Variants in HAUS6 observed in about 807,000 individuals in gnomAD.
The protein encoded by HAUS6 is HAUS augmin-like complex subunit 6.
Under a neutral mutation model 106.8 loss-of-function variants are expected in HAUS6, and 80 were observed. The ratio of observed to expected loss-of-function variants is 0.75; its 90% CI spans 0.63 to 0.90. The LOEUF (loss-of-function observed/expected upper bound fraction) is 0.90, where lower values mean the gene tolerates loss of function less well. Among genes scored for constraint, HAUS6 ranks in the 40% least tolerant of loss-of-function variants. HAUS6 has a pLI of 0.00. For synonymous variants in HAUS6, 356 were observed against 379.1 expected, an observed-to-expected ratio of 0.94 and a Z score of 0.71; for missense variants, 1,155 against 1,118.1, an observed-to-expected ratio of 1.03 and a Z score of -0.47.
chr9:19,075,234 G>A (rs1268710658), intron 11 of HAUS6, among the ~76,000 whole-genome samples: 1 of 152,178 alleles, frequency 6.6e-6, no homozygotes, highest in Non-Finnish European at 1.5e-5. Flanking sequence ...AACTGGAGAA[G>A]TGAAGGGGGA....
rs1463872963 is a variant in HAUS6, at chr9:19,054,217, G to A, written c.*2126C>T. 1 of 152,142 alleles carries A rather than the reference G, an allele frequency of 6.6e-6. No individual in the cohort carries two copies. The highest frequency in any genetic ancestry group is 1.5e-5 in the Non-Finnish European group (1 of 68,028). 9.4% of individuals were successfully genotyped at this position (152,142 alleles called of 1,614,324 possible). A position where few individuals can be genotyped will look rare whatever the true frequency, so the allele number is the denominator to read the frequency against. On this transcript the variant is annotated 3_prime_UTR_variant, in exon 17 of 17. Coordinates refer to ENST00000380502, the MANE Select transcript of HAUS6 (RefSeq NM_017645.5). ...ACTGAAGCATTTCAGTAAAAAAATGGGAGATTACAGCGGAAGGGGGAGTAG... is the reference window on the plus strand; with the variant it reads ...ACTGAAGCATTTCAGTAAAAAAATGAGAGATTACAGCGGAAGGGGGAGTAG...
intron 11 of HAUS6, among the ~76,000 whole-genome samples, chr9:19,074,769 C>G (rs1221846845): frequency 6.6e-6 from 1 of 152,170 alleles, no homozygotes; most frequent in Non-Finnish European, 1.5e-5. Flanking sequence ...CAACTATTAC[C>G]TGCTCCAGTT....
Position 19,055,274 on chromosome 9 carries a change from A to G in HAUS6, c.*1069T>C, listed in dbSNP as rs2131090679. 6.6e-6 allele frequency: 1 copy of G among 152,318 alleles called. No individual in the cohort carries two copies. Among genetic ancestry groups the G allele is most frequent in the Non-Finnish European group, 1.5e-5 (1 of 68,032 alleles). The allele number at this position is 152,318 out of a possible 1,614,324, so 9.4% of individuals were successfully genotyped here. On this transcript the variant is annotated 3_prime_UTR_variant, in exon 17 of 17. Transcript: ENST00000380502. ...GTATTGTAGGTACTATCACCCTTCC[A>G]TTGCCTGTTCCATTCCTCCTGGTTC...
intron 12 of HAUS6, among the ~76,000 whole-genome samples, chr9:19,064,129 G>A (rs1836707699): frequency 6.6e-6 from 1 of 151,994 alleles, no homozygotes; most frequent in African/African-American, 2.4e-5. Flanking sequence ...CACAACACCT[G>A]AGTAATTTTG....
intron 1 of HAUS6, among the ~76,000 whole-genome samples, chr9:19,097,236 C>G (rs1012442903): frequency 7.2e-5 from 11 of 152,068 alleles, no homozygotes; most frequent in Admixed American, 5.9e-4. Context: ...CAACAAAAGC[C>G]AAAATTGACA....
intron 13 of HAUS6, 110 bp downstream of exon 13, chr9:19,063,404 T>C (rs1836676204): frequency 1.5e-6 from 1 of 671,204 alleles, no homozygotes. Flanking sequence ...GTACAAATAG[T>C]AGAAAATGTG....
intron 1 of HAUS6, among the ~76,000 whole-genome samples, chr9:19,099,165 T>C (rs1361162706): frequency 6.8e-6 from 1 of 146,982 alleles, no homozygotes; most frequent in Non-Finnish European, 1.5e-5. Flanking sequence ...TTGTTTGTTT[T>C]TTTGTGTTTT....
intron 12 of HAUS6, among the ~76,000 whole-genome samples, chr9:19,068,673 G>A (rs1836819487): frequency 1.3e-5 from 2 of 150,528 alleles, no homozygotes; most frequent in South Asian, 4.2e-4. Context: ...TCTACTTGGG[G>A]AAGTTGTAAT....
intron 7 of HAUS6, among the ~76,000 whole-genome samples, chr9:19,086,478 G>A (rs530388601): frequency 6.6e-6 from 1 of 152,124 alleles, no homozygotes; most frequent in South Asian, 2.1e-4. Context: ...AAATTAGCCA[G>A]GCGTGGTGGC....
At chr9:19,059,206 T>C (rs1302941158) in intron 15 of HAUS6, among the ~76,000 whole-genome samples, 1 of 152,156 alleles carries the variant, frequency 6.6e-6, no homozygotes, top group Non-Finnish European at 1.5e-5. Context: ...AATAAACACA[T>C]ATAAAGACAG....
rs186102638 is a variant in HAUS6, at chr9:19,079,078, C to G, written c.1065-776G>C. On this transcript the variant is annotated intron_variant, in intron 9 of 16. Coordinates refer to ENST00000380502, the MANE Select transcript of HAUS6 (RefSeq NM_017645.5). ...ACTCAACAAGCTGAGGCAGGAGAATCACTTGAAATCAGGAGGCAGACGTTG... is the reference window on the plus strand; with the variant it reads ...ACTCAACAAGCTGAGGCAGGAGAATGACTTGAAATCAGGAGGCAGACGTTG... Among the ~76,000 whole-genome samples the G allele has an allele frequency of 3.4e-5, 5 of 147,254 alleles. No individual in the cohort carries two copies. In the East Asian group the frequency reaches 1.0e-3, roughly 30 times the overall value.
At chr9:19,064,489 G>A (rs1836716500) in intron 12 of HAUS6, among the ~76,000 whole-genome samples, 1 of 152,052 alleles carries the variant, frequency 6.6e-6, no homozygotes, top group African/African-American at 2.4e-5. Context: ...ATTATAAAAT[G>A]TTATTAAATT....
chr9:19,053,191 G>C lies in HAUS6; in HGVS notation c.*3152C>G, dbSNP rs1836393940. ...CAACAGTATTTAAAACATTTACAGA[G>C]AGTCCCATAGAGGATTCTCAAATAT... On this transcript the variant is annotated 3_prime_UTR_variant, in exon 17 of 17. Coordinates refer to ENST00000380502, the MANE Select transcript of HAUS6 (RefSeq NM_017645.5). 6.6e-6 allele frequency: 1 copy of C among 152,042 alleles called. No individual in the cohort carries two copies. Among genetic ancestry groups the C allele is most frequent in the Admixed American group, 6.6e-5 (1 of 15,256 alleles). 9.4% of individuals were successfully genotyped at this position (152,042 alleles called of 1,614,324 possible).
At chr9:19,082,712 T>C (rs1418889409) in intron 8 of HAUS6, among the ~76,000 whole-genome samples, 161 bp downstream of exon 8, 20 of 151,808 alleles carry the variant, frequency 1.3e-4, no homozygotes, top group Non-Finnish European at 1.8e-4. Context: ...CGCCACGCCA[T>C]TGCACTCCAG....
intron 5 of HAUS6, 61 bp from the exon 6 acceptor site, chr9:19,087,217 C>G (rs1837319747): frequency 1.1e-6 from 1 of 924,928 alleles, no homozygotes; most frequent in Non-Finnish European, 1.8e-6. Context: ...GTATAGCCCA[C>G]TTCTCTATTT....
In HAUS6 at chr9:19,080,589, C is replaced by T; in HGVS notation, c.954G>A (p.Met318Ile). Residue 318 changes from methionine (M) to isoleucine (I), a missense_variant, in exon 9 of 17, where the codon ATG (methionine) becomes ATA (isoleucine). By Grantham distance (10) the Met-to-Ile change is conservative (BLOSUM62 1). Around this residue, in one of 3 missense-constraint regions of HAUS6, gnomAD observed 761 missense variants for 690.0 expected, o/e 1.10. Transcript: ENST00000380502. Reference sequence around the variant, plus strand: ...GATCAGCCTGACAACGTTCATATTTCATCACCTTCAAGACTTCATTTAATA... The same window carrying T: ...GATCAGCCTGACAACGTTCATATTTTATCACCTTCAAGACTTCATTTAATA... ...IQLLNEVLKV[M>I]KYERCQADQA... 1.1e-5 allele frequency: 17 copies of T among 1,594,726 alleles called. No homozygotes were observed. The highest frequency in any genetic ancestry group is 1.5e-5 in the Non-Finnish European group (17 of 1,162,956).
intron 12 of HAUS6, among the ~76,000 whole-genome samples, chr9:19,067,997 CAAAA>C (rs201446137): frequency 6.9e-6 from 1 of 144,650 alleles, no homozygotes; most frequent in African/African-American, 2.6e-5. Context: ...CCTGGCCCCC[CAAAA>C]AAAAAAGTTA....
intron 5 of HAUS6, among the ~76,000 whole-genome samples, chr9:19,089,068 C>T (rs1042924093): frequency 2.0e-5 from 3 of 152,030 alleles, no homozygotes; most frequent in Non-Finnish European, 2.9e-5. Flanking sequence ...CATGGTGAAA[C>T]CCCGTCTCTA....
rs78879180 is a variant in HAUS6 at position 19,072,747 on chromosome 9, T to C, written c.1295-2447A>G. On this transcript the variant is annotated intron_variant, in intron 11 of 16. Coordinates refer to ENST00000380502, the MANE Select transcript of HAUS6 (RefSeq NM_017645.5). ...CAAGAACTAAGCATATACTTTGAGA[T>C]ACACTTCTCAAAAGGAGAAGAACAA... is the stretch of plus-strand genomic sequence containing the variant. Among the ~76,000 whole-genome samples the C allele has an allele frequency of 9.0e-3, 1,377 of 152,232 alleles. 6 individuals carry two copies. The highest frequency in any genetic ancestry group is 0.015 in the Non-Finnish European group (1,029 of 68,004).
Sources: gnomAD v4.1 joint callset for allele counts (sites outside exome capture counted in the v4.1 genomes callset) on GRCh38, gnomAD v4.1.1 for gene constraint, gnomAD v4.1.1 regional missense constraint, MANE v1.5 for transcripts, NCBI Gene and HGNC (gene_info 2026-07-23, HGNC 2026-07-21) for gene names.